BICD1: variants seen among roughly 807,000 people sequenced by gnomAD.
BICD1 encodes the protein protein bicaudal D homolog 1.
In BICD1, 35 loss-of-function variants were observed where a neutral mutation model predicts 92.5. That is an observed-to-expected ratio of 0.38 (90% CI 0.29 to 0.50). The LOEUF (loss-of-function observed/expected upper bound fraction) is 0.50. BICD1 is among the 20% of genes least tolerant of loss of function. The pLI, the probability that BICD1 is intolerant of heterozygous loss-of-function variation, is 0.93. For synonymous variants in BICD1, 429 were observed against 465.1 expected (o/e 0.92, Z 1.00); for missense variants, 950 against 1,189.8 (o/e 0.80, Z 2.97).
At chr12:32,289,052 G>A (rs952203446) in intron 2 of BICD1, among the ~76,000 whole-genome samples, 4 of 152,160 alleles carry the variant, frequency 2.6e-5, no homozygotes, top group Non-Finnish European at 5.9e-5. Flanking sequence ...GAGGAGTATA[G>A]AAGCCTCAAG....
chr12:32,237,015 C>T (rs548768219), intron 2 of BICD1, among the ~76,000 whole-genome samples: 20 of 151,638 alleles, frequency 1.3e-4, no homozygotes, highest in Admixed American at 3.3e-4. Flanking sequence ...GCTGGGACTA[C>T]TGGTGCCCGC....
At chr12:32,235,265 A>T (rs558888821) in intron 2 of BICD1, among the ~76,000 whole-genome samples, 1 of 152,304 alleles carries the variant, frequency 6.6e-6, no homozygotes, top group South Asian at 2.1e-4. Flanking sequence ...TTAACTCAGT[A>T]GTTAGAATGA....
intron 1 of BICD1, among the ~76,000 whole-genome samples, chr12:32,171,108 C>T (rs1030599717): frequency 2.6e-5 from 4 of 152,234 alleles, no homozygotes; most frequent in African/African-American, 9.6e-5. Flanking sequence ...TACTGCTCCT[C>T]CTGGGGATGC....
At chr12:32,248,293 G>T (rs569586207) in intron 2 of BICD1, among the ~76,000 whole-genome samples, 1 of 152,152 alleles carries the variant, frequency 6.6e-6, no homozygotes, top group Non-Finnish European at 1.5e-5. Flanking sequence ...AGGAACCAAG[G>T]TCTGATGAGA....
At chr12:32,278,712 C>T (rs957907004) in intron 2 of BICD1, among the ~76,000 whole-genome samples, 13 of 152,036 alleles carry the variant, frequency 8.6e-5, no homozygotes, top group African/African-American at 2.7e-4. Flanking sequence ...AAAAATTAGC[C>T]GGGCGTGTTG....
chr12:32,116,177 A>G (rs1228364216), intron 1 of BICD1, among the ~76,000 whole-genome samples: 1 of 142,784 alleles, frequency 7.0e-6, no homozygotes, highest in Non-Finnish European at 1.5e-5. Context: ...ATTTTTTTTT[A>G]CCAGCTCTAA....
chr12:32,375,719 G>C (rs548119490), intron 9 of BICD1, among the ~76,000 whole-genome samples: 1 of 152,214 alleles, frequency 6.6e-6, no homozygotes, highest in South Asian at 2.1e-4. Flanking sequence ...AGTTTGGGAA[G>C]AAAGAATAAC....
intron 1 of BICD1, among the ~76,000 whole-genome samples, chr12:32,124,721 C>T (rs1282859984): frequency 6.6e-6 from 1 of 152,016 alleles, no homozygotes; most frequent in Non-Finnish European, 1.5e-5. Flanking sequence ...GGGGCAAAGT[C>T]ATTCAGGAAG....
chr12:32,367,271 T>G (rs190351974), intron 8 of BICD1, among the ~76,000 whole-genome samples: 45 of 152,336 alleles, frequency 3.0e-4, no homozygotes, highest in African/African-American at 1.0e-3. Flanking sequence ...GTTATCTGAA[T>G]GCGTTCCATT....
chr12:32,223,516 C>CAA (rs60536204), intron 2 of BICD1, among the ~76,000 whole-genome samples: 1,095 of 103,330 alleles, frequency 0.011, 20 homozygotes, highest in African/African-American at 0.038. Context: ...GACTTTGTCT[C>CAA]AAAAAAAAAA....
intron 8 of BICD1, among the ~76,000 whole-genome samples, chr12:32,355,682 A>G (rs1179519396): frequency 1.3e-5 from 2 of 151,974 alleles, no homozygotes; most frequent in Non-Finnish European, 2.9e-5. Flanking sequence ...TGCACGTGTA[A>G]TCCCAGCTAC....
At chr12:32,301,926 G>T (rs187356752) in intron 3 of BICD1, among the ~76,000 whole-genome samples, 2 of 151,958 alleles carry the variant, frequency 1.3e-5, no homozygotes, top group African/African-American at 4.8e-5. Context: ...TTGCTCTGTC[G>T]CCCAGGCTGG....
intron 8 of BICD1, among the ~76,000 whole-genome samples, chr12:32,343,331 C>T (rs1040173977): frequency 1.3e-5 from 2 of 151,874 alleles, no homozygotes; most frequent in African/African-American, 2.4e-5. Flanking sequence ...CTCCTCCGTC[C>T]CCTCTTCCTC....
chr12:32,367,819 C>T, intron 9 of BICD1, 74 bp downstream of exon 9: 3 of 1,297,932 alleles, frequency 2.3e-6, no homozygotes, highest in Non-Finnish European at 2.2e-6. Context: ...CTTTCCGACA[C>T]CTGAACTGCC....
intron 1 of BICD1, 36 bp downstream of exon 1, chr12:32,107,580 C>T (rs1333463479): frequency 6.5e-7 from 1 of 1,543,592 alleles, no homozygotes; most frequent in South Asian, 1.2e-5. Flanking sequence ...TCCTGGCCCT[C>T]ACTCCCCCCA....
chr12:32,292,760 T>C (rs1947758096), intron 2 of BICD1, among the ~76,000 whole-genome samples: 1 of 152,208 alleles, frequency 6.6e-6, no homozygotes, highest in African/African-American at 2.4e-5. Context: ...CTTCTTCCCA[T>C]ATTTCTCTTT....
At chr12:32,342,204 GTATATATATATA>G (rs3075972) in intron 8 of BICD1, among the ~76,000 whole-genome samples, 2 of 119,302 alleles carry the variant, frequency 1.7e-5, no homozygotes, top group Admixed American at 9.2e-5. Context: ...GTGTGTGTGT[GTATATATATATA>G]TATATATATA....
chr12:32,345,276 GAAA>G (rs1219058654), intron 8 of BICD1, among the ~76,000 whole-genome samples: 1 of 83,224 alleles, frequency 1.2e-5, no homozygotes. Context: ...CCCTGTCTCA[GAAA>G]AAAAAAAAAA....
chr12:32,244,874 G>C (rs773214830), intron 2 of BICD1, among the ~76,000 whole-genome samples: 2 of 152,110 alleles, frequency 1.3e-5, no homozygotes, highest in African/African-American at 4.8e-5. Flanking sequence ...TGATCTGCCT[G>C]CCTTGGCCTC....
Sources: gnomAD v4.1 joint callset for allele counts (sites outside exome capture counted in the v4.1 genomes callset) on GRCh38, gnomAD v4.1.1 for gene constraint, MANE v1.5 for transcripts, NCBI Gene and HGNC (gene_info 2026-07-23, HGNC 2026-07-21) for gene names.